CRKL: variants seen among roughly 807,000 people sequenced by gnomAD.
CRKL encodes the protein CRK like proto-oncogene, adaptor protein.
A neutral mutation model predicts 23.0 loss-of-function variants in CRKL; 3 were observed. The observed-to-expected ratio is 0.13, with a 90% CI of 0.06 to 0.34. The LOEUF (loss-of-function observed/expected upper bound fraction) is 0.34. Among genes scored for constraint, CRKL ranks in the 10% least tolerant of loss-of-function variants. The pLI is 1.00. For missense variants in CRKL, 256 were observed against 394.5 expected (o/e 0.65, Z 2.97); for synonymous variants, 188 against 160.7 (o/e 1.17, Z -1.28).
At chr22:20,934,778 T>C (rs1284700154) in intron 2 of CRKL, among the ~76,000 whole-genome samples, 1 of 151,896 alleles carries the variant, frequency 6.6e-6, no homozygotes, top group East Asian at 1.9e-4. Flanking sequence ...TGTCTTAGAA[T>C]TTCTCTTGAG....
intron 1 of CRKL, among the ~76,000 whole-genome samples, chr22:20,923,205 C>G (rs2062768692): frequency 6.6e-6 from 1 of 151,978 alleles, no homozygotes; most frequent in African/African-American, 2.4e-5. Context: ...TTACATGTAC[C>G]TGGTAATATG....
In CRKL at chr22:20,934,208, A is replaced by T. The variant is rs2147905999; in HGVS notation, c.741A>T (p.Val247=). ...PVFAKAIQKR[V]PCAYDKTALA... ...TTGCGAAAGCAATCCAGAAAAGAGT[A>T]CCCTGTGCTTATGACAAGACTGCCT... The change falls in exon 2 of 3, where the codon GTA becomes GTT. Residue 247 remains valine, a synonymous_variant. Transcript: ENST00000354336. The T allele has an allele frequency of 6.2e-6, 10 of 1,614,074 alleles. No homozygotes were observed. Among genetic ancestry groups the T allele is most frequent in the Non-Finnish European group, 7.6e-6 (9 of 1,179,934 alleles).
In CRKL at chr22:20,950,159, A is replaced by C. The variant is rs571806225; in HGVS notation, c.*314A>C. ...CCTTCTCATTGCTGCCCGTTTGTAC[A>C]TGGGACTGATTCTGTTGTGTTCACC... On this transcript the variant is annotated 3_prime_UTR_variant, in exon 3 of 3. Coordinates refer to ENST00000354336, the MANE Select transcript of CRKL (RefSeq NM_005207.4). 7 of 349,072 alleles carry C rather than the reference A, an allele frequency of 2.0e-5. No homozygotes were observed. The highest frequency in any genetic ancestry group is 1.1e-4 in the East Asian group (2 of 18,954). 21.6% of individuals were successfully genotyped at this position (349,072 alleles called of 1,614,324 possible). A position where few individuals can be genotyped will look rare whatever the true frequency, so the allele number is the denominator to read the frequency against.
intron 2 of CRKL, among the ~76,000 whole-genome samples, chr22:20,941,568 GTGTGTGTGTGTA>G (rs1921877764): frequency 5.1e-5 from 1 of 19,622 alleles, no homozygotes. Context: ...GTGTGTGTGT[GTGTGTGTGTGTA>G]TATATATATT....
intron 2 of CRKL, among the ~76,000 whole-genome samples, chr22:20,947,055 A>G (rs906246871): frequency 6.6e-6 from 1 of 152,212 alleles, no homozygotes; most frequent in Non-Finnish European, 1.5e-5. Context: ...ACAATGAGGC[A>G]CTAATGGTCA....
intron 1 of CRKL, among the ~76,000 whole-genome samples, chr22:20,925,086 G>T (rs886284708): frequency 1.3e-5 from 2 of 150,104 alleles, no homozygotes; most frequent in East Asian, 4.0e-4. Context: ...TACTCCGGAG[G>T]TTGAGACAGG....
At chr22:20,948,313 A>G (rs555868385) in intron 2 of CRKL, among the ~76,000 whole-genome samples, 68 of 151,800 alleles carry the variant, frequency 4.5e-4, no homozygotes, top group African/African-American at 1.6e-3. Context: ...CCTGTTCCTC[A>G]TTGGTTTTGA....
chr22:20,941,593 T>A (rs1363155994), intron 2 of CRKL, among the ~76,000 whole-genome samples: 1,136 of 85,782 alleles, frequency 0.013, 154 homozygotes, highest in Non-Finnish European at 0.021. Flanking sequence ...TATATATTTT[T>A]TTTTTTTTTT....
chr22:20,949,300 A>AT (rs1218436016), intron 2 of CRKL, among the ~76,000 whole-genome samples: 1 of 151,918 alleles, frequency 6.6e-6, no homozygotes, highest in Non-Finnish European at 1.5e-5. Context: ...TAATTTTTCT[A>AT]TTTTTTAGAA....
chr22:20,921,627 C>T (rs1920996741), intron 1 of CRKL, among the ~76,000 whole-genome samples: 1 of 152,074 alleles, frequency 6.6e-6, no homozygotes, highest in South Asian at 2.1e-4. Context: ...GGAGAAGAGC[C>T]TTCCAAGTTT....
At chr22:20,943,234 T>C (rs1292948715) in intron 2 of CRKL, among the ~76,000 whole-genome samples, 1 of 152,146 alleles carries the variant, frequency 6.6e-6, no homozygotes, top group Non-Finnish European at 1.5e-5. Context: ...TTTTGTTTTT[T>C]ATTTTGTTTT....
intron 2 of CRKL, among the ~76,000 whole-genome samples, chr22:20,937,083 C>T (rs1362741913): frequency 6.6e-6 from 1 of 151,384 alleles, no homozygotes; most frequent in Non-Finnish European, 1.5e-5. Flanking sequence ...AACTCCTAGC[C>T]TCTGATCATC....
intron 2 of CRKL, among the ~76,000 whole-genome samples, chr22:20,940,329 A>G (rs930217592): frequency 4.6e-5 from 7 of 151,720 alleles, no homozygotes; most frequent in Non-Finnish European, 8.8e-5. Context: ...CTCACAAACC[A>G]TCTGTTAGCT....
intron 2 of CRKL, among the ~76,000 whole-genome samples, chr22:20,938,794 G>T (rs919174927): frequency 2.0e-5 from 3 of 152,220 alleles, no homozygotes; most frequent in East Asian, 1.9e-4. Context: ...ATGACTATTT[G>T]TATGAAAATT....
chr22:20,941,046 G>A (rs1921852350), intron 2 of CRKL, among the ~76,000 whole-genome samples: 1 of 151,998 alleles, frequency 6.6e-6, no homozygotes. Flanking sequence ...CAGTGCTCTT[G>A]GGGCTGTATG....
rs1475247091 is a variant in CRKL at position 20,950,396 on chromosome 22, T to G, written c.*551T>G. 2 of 233,042 alleles carry G rather than the reference T, an allele frequency of 8.6e-6. No homozygotes were observed. The highest frequency in any genetic ancestry group is 1.2e-4 in the East Asian group (2 of 16,570). 14.4% of individuals were successfully genotyped at this position (233,042 alleles called of 1,614,324 possible). A position where few individuals can be genotyped will look rare whatever the true frequency, so the allele number is the denominator to read the frequency against. ...TAATTAGACTTGTGTGGGGGTTTTT[T>G]TTTGTTTTGTTTTGTTTGTTTTGTT... is the stretch of plus-strand genomic sequence containing the variant. On this transcript the variant is annotated 3_prime_UTR_variant, in exon 3 of 3. Transcript: ENST00000354336.
intron 2 of CRKL, among the ~76,000 whole-genome samples, chr22:20,947,241 C>CTTT (rs200264489): frequency 1.8e-4 from 26 of 143,482 alleles, no homozygotes; most frequent in East Asian, 1.0e-3. Flanking sequence ...GTCTCTCTCT[C>CTTT]TTTTTTTTTT....
At chr22:20,939,035 A>G (rs1338692512) in intron 2 of CRKL, among the ~76,000 whole-genome samples, 1 of 152,126 alleles carries the variant, frequency 6.6e-6, no homozygotes, top group Non-Finnish European at 1.5e-5. Context: ...CATTTAGTTC[A>G]ATCATTTTCC....
intron 1 of CRKL, among the ~76,000 whole-genome samples, chr22:20,919,499 C>A (rs1929807573): frequency 6.6e-6 from 1 of 152,134 alleles, no homozygotes; most frequent in Non-Finnish European, 1.5e-5. Flanking sequence ...AAGTGAAATA[C>A]GTTATTTTAA....
Sources: allele counts gnomAD v4.1 joint callset (sites outside exome capture counted in the v4.1 genomes callset), GRCh38; gene constraint gnomAD v4.1.1; transcripts MANE v1.5; gene names NCBI Gene and HGNC (gene_info 2026-07-23, HGNC 2026-07-21).